RIMS3: variants seen among roughly 807,000 people sequenced by gnomAD.
RIMS3 encodes the protein regulating synaptic membrane exocytosis 3.
Under a neutral mutation model 29.2 loss-of-function variants are expected in RIMS3, and 15 were observed. The ratio of observed to expected loss-of-function variants is 0.51; its 90% confidence interval spans 0.34 to 0.79. RIMS3 has a LOEUF of 0.79. Among genes scored for constraint, RIMS3 ranks in the 30% least tolerant of loss-of-function variants. The pLI is 0.01. For missense variants in RIMS3, 342 were observed against 421.4 expected (o/e 0.81, Z 1.65); for synonymous variants, 161 against 170.1 (o/e 0.95, Z 0.41).
At chr1:40,686,664 AAAAC>A in the RIMS3 span, among the ~76,000 whole-genome samples, 9 of 152,284 alleles carry the variant, frequency 5.9e-5, no homozygotes, top group Non-Finnish European at 8.8e-5. Flanking sequence ...CTCAAAAACA[AAAAC>A]AAAAAAAACC....
upstream of RIMS3, among the ~76,000 whole-genome samples, chr1:40,666,382 C>T (rs973370989): frequency 4.6e-5 from 7 of 152,188 alleles, no homozygotes; most frequent in Non-Finnish European, 1.0e-4. Flanking sequence ...GATGCTGCTA[C>T]ACGCCTTCAA....
chr1:40,643,119 C>T (rs1162962265), intron 2 of RIMS3, among the ~76,000 whole-genome samples: 2 of 151,796 alleles, frequency 1.3e-5, no homozygotes, highest in Admixed American at 6.6e-5. Context: ...TCTCTCTTTC[C>T]TCTCTTTTAT....
At chr1:40,651,467 C>G (rs1052680763) in intron 1 of RIMS3, among the ~76,000 whole-genome samples, 1 of 152,216 alleles carries the variant, frequency 6.6e-6, no homozygotes, top group Non-Finnish European at 1.5e-5. Context: ...AGACTTGTAG[C>G]CTTCAGAACT....
the RIMS3 span, chr1:40,691,703 T>G: frequency 4.4e-6 from 2 of 453,316 alleles, no homozygotes; most frequent in Non-Finnish European, 8.9e-6. Context: ...GGGGAAACGG[T>G]GCAAACGGCG....
intron 1 of RIMS3, among the ~76,000 whole-genome samples, chr1:40,661,150 C>T (rs1251190084): frequency 6.6e-6 from 1 of 152,170 alleles, no homozygotes; most frequent in Non-Finnish European, 1.5e-5. Flanking sequence ...CACTTGATAG[C>T]TGTGCGACTT....
At chr1:40,647,237 C>T (rs909680315) in intron 2 of RIMS3, among the ~76,000 whole-genome samples, 2 of 152,086 alleles carry the variant, frequency 1.3e-5, no homozygotes, top group African/African-American at 2.4e-5. Flanking sequence ...ACCTAGCCAC[C>T]CACCTTTCCA....
intron 5 of RIMS3, among the ~76,000 whole-genome samples, chr1:40,630,070 C>CAAA (rs35370598): frequency 9.6e-6 from 1 of 103,660 alleles, no homozygotes; most frequent in Admixed American, 9.9e-5. Flanking sequence ...GACTCCGTCT[C>CAAA]AAAAAAAAAA....
chr1:40,691,507 G>A, the RIMS3 span: 1 of 304,176 alleles, frequency 3.3e-6, no homozygotes, highest in Non-Finnish European at 6.5e-6. Flanking sequence ...CGGATCCCCC[G>A]AAAGGGGGCG....
chr1:40,629,397 C>A (rs766688276), intron 5 of RIMS3, 25 bp from the exon 6 acceptor site: 17 of 1,593,540 alleles, frequency 1.1e-5, no homozygotes, highest in African/African-American at 2.7e-5. Context: ...AGGGTGAGTC[C>A]AGGCAGGGCC....
chr1:40,653,374 C>A (rs941387906), intron 1 of RIMS3, among the ~76,000 whole-genome samples: 2 of 152,102 alleles, frequency 1.3e-5, no homozygotes, highest in African/African-American at 4.8e-5. Context: ...ACAGAAGATG[C>A]CATGAATATA....
At position 40,636,173 on chromosome 1, in the gene RIMS3, G is replaced by A. The variant is rs1646518649; in HGVS notation, c.218-116C>T. The A allele has an allele frequency of 1.1e-5, 15 of 1,336,100 alleles. No individual in the cohort carries two copies. Among genetic ancestry groups the A allele is most frequent in the Admixed American group, 3.8e-5 (2 of 52,988 alleles). The allele number at this position is 1,336,100 out of a possible 1,614,324, so 82.8% of individuals were successfully genotyped here. A position where few individuals can be genotyped will look rare whatever the true frequency, so the allele number is the denominator to read the frequency against. Reference sequence around the variant, plus strand: ...GGCATGGGGGGTTGATGGGGAGGATGAGCAGGGCTCTGACTGGAGGCAGGG... The same window carrying A: ...GGCATGGGGGGTTGATGGGGAGGATAAGCAGGGCTCTGACTGGAGGCAGGG... On this transcript the variant is annotated intron_variant, in intron 3 of 7. Transcript: ENST00000372684. This position sits in a 1 kb window ranked among gnomAD's most constrained non-coding sequence, Gnocchi z 4.2.
intron 1 of RIMS3, among the ~76,000 whole-genome samples, chr1:40,658,853 A>G (rs1389885466): frequency 2.0e-5 from 3 of 152,152 alleles, no homozygotes; most frequent in African/African-American, 7.2e-5. Context: ...TGTCCTTGTA[A>G]TAAGCCCTTC....
At chr1:40,655,274 C>T (rs1402883457) in intron 1 of RIMS3, among the ~76,000 whole-genome samples, 4 of 152,140 alleles carry the variant, frequency 2.6e-5, no homozygotes, top group Non-Finnish European at 5.9e-5. Context: ...GCTCCCAAAG[C>T]TTCACTGCTC....
the RIMS3 span, among the ~76,000 whole-genome samples, chr1:40,684,081 G>C: frequency 1.3e-5 from 2 of 152,214 alleles, no homozygotes; most frequent in Non-Finnish European, 2.9e-5. Context: ...CTTCCTCCCA[G>C]AAATTTGAAA....
At chr1:40,668,469 G>A (rs1270042193), upstream of RIMS3, among the ~76,000 whole-genome samples, 3 of 126,522 alleles carry the variant, frequency 2.4e-5, no homozygotes, top group Non-Finnish European at 3.3e-5. Context: ...AATGGGGGGC[G>A]GAGTTGGTAG....
intron 5 of RIMS3, among the ~76,000 whole-genome samples, chr1:40,630,782 C>A (rs1011437457): frequency 6.6e-6 from 1 of 152,216 alleles, no homozygotes; most frequent in African/African-American, 2.4e-5. Flanking sequence ...CACTGCTGCC[C>A]AGCCTGTGGC....
intron 2 of RIMS3, among the ~76,000 whole-genome samples, chr1:40,645,170 G>T (rs532576801): frequency 2.6e-5 from 4 of 152,180 alleles, no homozygotes; most frequent in African/African-American, 4.8e-5. Context: ...CTGGACTGGG[G>T]CCTATGATGA....
chr1:40,662,509 C>T (rs7546534), intron 1 of RIMS3, among the ~76,000 whole-genome samples: 5,998 of 152,252 alleles, frequency 0.039, 419 homozygotes, highest in African/African-American at 0.14. Context: ...GGGCAGGGGC[C>T]GCCTGGCTCA....
the RIMS3 span, among the ~76,000 whole-genome samples, chr1:40,685,334 TA>T: frequency 1.6e-5 from 1 of 64,328 alleles, no homozygotes; most frequent in Admixed American, 1.4e-4. Context: ...ATATATAATA[TA>T]ATTATATTAT....
Sources: allele counts gnomAD v4.1 joint callset (sites outside exome capture counted in the v4.1 genomes callset), GRCh38; gene constraint gnomAD v4.1.1; non-coding constraint Gnocchi (gnomAD v3.1); transcripts MANE v1.5; gene names NCBI Gene and HGNC (gene_info 2026-07-23, HGNC 2026-07-21).